The following TANK variants were observed in gnomAD, a reference collection of about 807,000 sequenced individuals.
TANK encodes the protein TRAF family member-associated NF-kappa-B activator.
In TANK, 15 loss-of-function variants were observed where a neutral mutation model predicts 43.6. The ratio of observed to expected loss-of-function variants is 0.34; its 90% CI spans 0.23 to 0.53. The LOEUF (loss-of-function observed/expected upper bound fraction) is 0.53. TANK is among the 20% of genes least tolerant of loss of function. The probability of loss-of-function intolerance (pLI) is 0.94; values close to 1 mark genes in which losing one functional copy is unlikely to be tolerated. For synonymous variants in TANK, 162 were observed against 178.2 expected, an observed-to-expected ratio of 0.91 and a Z score of 0.73; for missense variants, 417 against 498.6, an observed-to-expected ratio of 0.84 and a Z score of 1.56.
chr2:161,168,544 G>A (rs368265519), intron 1 of TANK, among the ~76,000 whole-genome samples: 11 of 152,072 alleles, frequency 7.2e-5, no homozygotes, highest in African/African-American at 1.7e-4. Flanking sequence ...GAAAAAAATC[G>A]GTTTAAGGCC....
intron 2 of TANK, among the ~76,000 whole-genome samples, chr2:161,189,864 T>A (rs1270592198): frequency 6.6e-6 from 1 of 152,036 alleles, no homozygotes; most frequent in African/African-American, 2.4e-5. Flanking sequence ...ATGCAAGAGG[T>A]AAAAACCATG....
chr2:161,165,569 T>TA (rs915091503), intron 1 of TANK, among the ~76,000 whole-genome samples: 65 of 152,268 alleles, frequency 4.3e-4, no homozygotes, highest in African/African-American at 1.5e-3. Flanking sequence ...TGATAAACAT[T>TA]AAAATCTCAC....
intron 1 of TANK, among the ~76,000 whole-genome samples, chr2:161,154,619 G>T (rs1684172533): frequency 1.3e-5 from 2 of 152,124 alleles, no homozygotes; most frequent in South Asian, 4.1e-4. Flanking sequence ...TACTGCAGAG[G>T]AGTACTCACA....
At chr2:161,185,624 A>G (rs1685622630) in intron 2 of TANK, among the ~76,000 whole-genome samples, 1 of 150,198 alleles carries the variant, frequency 6.7e-6, no homozygotes, top group Non-Finnish European at 1.5e-5. Context: ...AAAAAACCAA[A>G]CACCGCATAT....
At chr2:161,173,656 T>C (rs373535342) in intron 1 of TANK, among the ~76,000 whole-genome samples, 9 of 152,244 alleles carry the variant, frequency 5.9e-5, no homozygotes, top group African/African-American at 2.2e-4. Context: ...TAAACATTTA[T>C]AATTGACCTT....
At chr2:161,159,393 A>C (rs1558963557), upstream of TANK, among the ~76,000 whole-genome samples, 1 of 152,228 alleles carries the variant, frequency 6.6e-6, no homozygotes. Flanking sequence ...GCCCTCAAAA[A>C]AAGTTTAAAT....
chr2:161,207,940 T>G (rs1314144555), intron 4 of TANK: 1 of 951,200 alleles, frequency 1.1e-6, no homozygotes, highest in Admixed American at 6.2e-5. Context: ...AAAACTAACC[T>G]ATTTCTAGAA....
intron 2 of TANK, among the ~76,000 whole-genome samples, chr2:161,185,782 T>A (rs894788803): frequency 7.3e-5 from 11 of 150,786 alleles, no homozygotes; most frequent in African/African-American, 2.7e-4. Flanking sequence ...TTAGTGGGTG[T>A]AGCGCACCAG....
intron 1 of TANK, among the ~76,000 whole-genome samples, chr2:161,176,932 T>C (rs572777908): frequency 2.6e-5 from 4 of 152,300 alleles, no homozygotes; most frequent in Non-Finnish European, 5.9e-5. Flanking sequence ...TGTATTAGTT[T>C]ATTATAGTAT....
chr2:161,167,757 G>T (rs1190264347), intron 1 of TANK, among the ~76,000 whole-genome samples: 1 of 152,064 alleles, frequency 6.6e-6, no homozygotes, highest in Non-Finnish European at 1.5e-5. Context: ...CAAGTAGCTG[G>T]GACTACAAAT....
chr2:161,229,761 C>G (rs1368191597), intron 6 of TANK, among the ~76,000 whole-genome samples: 1 of 152,182 alleles, frequency 6.6e-6, no homozygotes, highest in African/African-American at 2.4e-5. Flanking sequence ...TCTGTATACC[C>G]TGTCTACCTA....
At chr2:161,228,203 C>A (rs920489071) in intron 6 of TANK, among the ~76,000 whole-genome samples, 28 of 152,276 alleles carry the variant, frequency 1.8e-4, no homozygotes, top group Non-Finnish European at 3.4e-4. Context: ...ATTGCATATA[C>A]AATGATGGCC....
upstream of TANK, chr2:161,160,134 G>A: frequency 3.0e-6 from 1 of 336,844 alleles, no homozygotes; most frequent in Non-Finnish European, 5.4e-6. Flanking sequence ...TTATTTACCG[G>A]TTATTTATCG....
intron 4 of TANK, among the ~76,000 whole-genome samples, chr2:161,219,253 A>C (rs1191491166): frequency 6.6e-6 from 1 of 152,248 alleles, no homozygotes; most frequent in African/African-American, 2.4e-5. Context: ...GTAGCATTGA[A>C]TCAGTAGAGA....
At chr2:161,177,847 A>G (rs1262496246) in intron 1 of TANK, among the ~76,000 whole-genome samples, 3 of 152,114 alleles carry the variant, frequency 2.0e-5, no homozygotes, top group East Asian at 1.9e-4. Flanking sequence ...GAAATAACCC[A>G]TTTATTACAA....
At chr2:161,165,965 T>A (rs1684661236) in intron 1 of TANK, among the ~76,000 whole-genome samples, 1 of 152,160 alleles carries the variant, frequency 6.6e-6, no homozygotes, top group Admixed American at 6.5e-5. Flanking sequence ...ATAAATAGTC[T>A]CAGAGAAAGA....
At chr2:161,152,983 G>A (rs1234567635) in intron 1 of TANK, among the ~76,000 whole-genome samples, 1 of 151,986 alleles carries the variant, frequency 6.6e-6, no homozygotes, top group Non-Finnish European at 1.5e-5. Flanking sequence ...ATTATTTCTT[G>A]AAATATTTTT....
intron 2 of TANK, among the ~76,000 whole-genome samples, chr2:161,189,265 AC>A (rs1363186107): frequency 1.3e-5 from 2 of 152,238 alleles, no homozygotes; most frequent in Non-Finnish European, 2.9e-5. Context: ...CATGTAATAT[AC>A]CACGTTAACA....
chr2:161,174,159 A>G (rs1034472006), intron 1 of TANK, among the ~76,000 whole-genome samples: 3 of 152,138 alleles, frequency 2.0e-5, no homozygotes, highest in Admixed American at 2.0e-4. Context: ...TAACCCTACA[A>G]CTATGTATGA....
Sources: allele counts gnomAD v4.1 joint callset (sites outside exome capture counted in the v4.1 genomes callset), GRCh38; gene constraint gnomAD v4.1.1; transcripts MANE v1.5; gene names NCBI Gene and HGNC (gene_info 2026-07-23, HGNC 2026-07-21).